Variants in MIB1 observed in about 807,000 individuals in gnomAD.
MIB1 encodes E3 ubiquitin-protein ligase MIB1.
In MIB1, 278 loss-of-function variants were observed where a neutral mutation model predicts 124.5. The ratio of observed to expected loss-of-function variants is 2.23; its 90% confidence interval spans 2.02 to 2.47. The LOEUF (loss-of-function observed/expected upper bound fraction) is 2.47. MIB1 is among the 30% of genes most tolerant of loss of function. The pLI, the probability that MIB1 is intolerant of heterozygous loss-of-function variation, is 0.00. For missense variants in MIB1, 957 were observed against 1,254.4 expected, an observed-to-expected ratio of 0.76 and a Z score of 3.58; for synonymous variants, 446 against 429.4, an observed-to-expected ratio of 1.04 and a Z score of -0.48.
At chr18:21,773,845 A>C in intron 4 of MIB1, 117 bp downstream of exon 4, 1 of 599,270 alleles carries the variant, frequency 1.7e-6, no homozygotes, top group Non-Finnish European at 2.8e-6. Context: ...TTACGTTTTT[A>C]CTATGTTTCT....
chr18:21,714,237 G>C (rs1482774023), intron 1 of MIB1, among the ~76,000 whole-genome samples: 7 of 152,176 alleles, frequency 4.6e-5, no homozygotes, highest in South Asian at 4.1e-4. Context: ...TAACAGACCA[G>C]AGAGGAAGAG....
At chr18:21,812,851 A>G (rs1233341397) in intron 10 of MIB1, among the ~76,000 whole-genome samples, 1 of 152,198 alleles carries the variant, frequency 6.6e-6, no homozygotes, top group Non-Finnish European at 1.5e-5. Flanking sequence ...GGACAGGCAC[A>G]TGAGCTGTGT....
At chr18:21,797,047 CA>C (rs1192527818) in intron 7 of MIB1, among the ~76,000 whole-genome samples, 1 of 151,830 alleles carries the variant, frequency 6.6e-6, no homozygotes, top group African/African-American at 2.4e-5. Context: ...TTTAAACAAA[CA>C]AAAAATTGAT....
chr18:21,838,813 A>G (rs926211510), intron 13 of MIB1, among the ~76,000 whole-genome samples: 2 of 152,252 alleles, frequency 1.3e-5, no homozygotes, highest in African/African-American at 2.4e-5. Context: ...TTACGGAAGT[A>G]TCATCAACCA....
rs1215000809 is a variant in MIB1 at position 21,868,070 on chromosome 18, G to A, written c.*3404G>A. 1 of 151,924 alleles carries A rather than the reference G, an allele frequency of 6.6e-6. No individual in the cohort carries two copies. 9.4% of individuals were successfully genotyped at this position (151,924 alleles called of 1,614,324 possible). A position where few individuals can be genotyped will look rare whatever the true frequency, so the allele number is the denominator to read the frequency against. Reference sequence around the variant, plus strand: ...ATCAGAATGTCTACCATGTTTTATAGTAATAATTTGTGTAAAAAATTGAAT... The same window carrying A: ...ATCAGAATGTCTACCATGTTTTATAATAATAATTTGTGTAAAAAATTGAAT... On this transcript the variant is annotated 3_prime_UTR_variant, in exon 21 of 21. Transcript: ENST00000261537.
intron 1 of MIB1, among the ~76,000 whole-genome samples, chr18:21,748,448 T>G (rs1568185025): frequency 7.1e-6 from 1 of 139,884 alleles, no homozygotes; most frequent in Non-Finnish European, 1.5e-5. Context: ...TCTTCTTTCT[T>G]TCTGGAGTTT....
chr18:21,861,005 C>G (rs1225056843), intron 20 of MIB1, among the ~76,000 whole-genome samples: 1 of 152,178 alleles, frequency 6.6e-6, no homozygotes, highest in Non-Finnish European at 1.5e-5. Context: ...CGCCACTACA[C>G]TCCATCCCAG....
intron 13 of MIB1, among the ~76,000 whole-genome samples, chr18:21,839,995 A>T (rs1156633717): frequency 1.3e-5 from 2 of 152,212 alleles, no homozygotes; most frequent in Non-Finnish European, 2.9e-5. Context: ...TTTGAGTTAC[A>T]GTGAGCTATG....
intron 1 of MIB1, among the ~76,000 whole-genome samples, chr18:21,722,154 A>T (rs2040718421): frequency 6.6e-6 from 1 of 151,666 alleles, no homozygotes; most frequent in Non-Finnish European, 1.5e-5. Context: ...TCCTGGGTTC[A>T]AGCGATTTTC....
chr18:21,836,020 A>G (rs1023519735), intron 12 of MIB1, among the ~76,000 whole-genome samples: 1 of 151,858 alleles, frequency 6.6e-6, no homozygotes, highest in Non-Finnish European at 1.5e-5. Flanking sequence ...AGGCTAAGGC[A>G]GGTGGATGGC....
At chr18:21,765,466 TA>T (rs1404406264) in intron 1 of MIB1, among the ~76,000 whole-genome samples, 1 of 152,248 alleles carries the variant, frequency 6.6e-6, no homozygotes, top group African/African-American at 2.4e-5. Context: ...TCCTTAGTGA[TA>T]AAGGATTCTT....
At position 21,855,298 on chromosome 18, in the gene MIB1, C is replaced by T. The variant is rs891474022; in HGVS notation, c.2666-1832C>T. Among the ~76,000 whole-genome samples, 7 of 152,236 alleles carry T rather than the reference C, an allele frequency of 4.6e-5. No homozygotes were observed. In the East Asian group the frequency reaches 9.6e-4, roughly 21 times the overall value. ...GTACCCCCATCGCAGTCATGTTAGG[C>T]GGTGAAAGTGCCTTGGCAAGCCAAA... On this transcript the variant is annotated intron_variant, in intron 18 of 20. Coordinates refer to ENST00000261537, the MANE Select transcript of MIB1 (RefSeq NM_020774.4).
In MIB1 at chr18:21,866,785, T is replaced by C. The variant is rs1444153547; in HGVS notation, c.*2119T>C. 1.3e-5 allele frequency: 2 copies of C among 152,324 alleles called. No individual in the cohort carries two copies. The highest frequency in any genetic ancestry group is 2.9e-5 in the Non-Finnish European group (2 of 68,042). The allele number at this position is 152,324 out of a possible 1,614,324, so 9.4% of individuals were successfully genotyped here. On this transcript the variant is annotated 3_prime_UTR_variant, in exon 21 of 21. Transcript: ENST00000261537. ...TTTTATTATAGAAATAATGTCATTA[T>C]AATTTTAGTGCTAGTACTTGTGGGT...
intron 12 of MIB1, among the ~76,000 whole-genome samples, chr18:21,832,119 G>T (rs1056695148): frequency 1.3e-5 from 2 of 152,156 alleles, no homozygotes; most frequent in African/African-American, 4.8e-5. Flanking sequence ...TGAAATCTTA[G>T]AAGTGCTACT....
intron 12 of MIB1, among the ~76,000 whole-genome samples, chr18:21,835,999 A>T (rs1050612468): frequency 2.6e-5 from 4 of 152,006 alleles, no homozygotes; most frequent in African/African-American, 9.7e-5. Flanking sequence ...TTGTAATCCC[A>T]GCACTTTGGG....
chr18:21,765,882 CA>C lies in MIB1; in HGVS notation c.341del (p.His114LeufsTer7). On this transcript the variant is annotated frameshift_variant, in exon 2 of 21. Transcript: ENST00000261537. LOFTEE classifies it high-confidence loss of function. ...TNYDLCTVCY[H>X]GDKHHLRHRF... ...TTATGATTTGTGCACAGTGTGTTAT[CA>C]TGGAGATAAACATCATTTAAGACAT... 1 of 1,614,080 alleles carries C rather than the reference CA, an allele frequency of 6.2e-7. No individual in the cohort carries two copies. Among genetic ancestry groups the C allele is most frequent in the Admixed American group, 1.7e-5 (1 of 60,024 alleles).
At chr18:21,847,346 C>G (rs1014057124) in intron 16 of MIB1, among the ~76,000 whole-genome samples, 3 of 152,068 alleles carry the variant, frequency 2.0e-5, no homozygotes, top group African/African-American at 7.2e-5. Context: ...GAGTGCAATG[C>G]TCTATACTTA....
chr18:21,763,560 T>G (rs921589884), intron 1 of MIB1, among the ~76,000 whole-genome samples: 5 of 152,210 alleles, frequency 3.3e-5, no homozygotes, highest in African/African-American at 1.2e-4. Context: ...TTGTATTTTT[T>G]TATTAGATAT....
intron 16 of MIB1, 134 bp downstream of exon 16, chr18:21,847,259 TC>T: frequency 1.2e-6 from 1 of 827,172 alleles, no homozygotes; most frequent in East Asian, 2.7e-5. Context: ...ACCCTTTCTT[TC>T]CTGAAATTTT....
Sources: gnomAD v4.1 joint callset for allele counts (sites outside exome capture counted in the v4.1 genomes callset) on GRCh38, gnomAD v4.1.1 for gene constraint, MANE v1.5 for transcripts, NCBI Gene and HGNC (gene_info 2026-07-23, HGNC 2026-07-21) for gene names.